RASSF4: variants seen among roughly 807,000 people sequenced by gnomAD.
RASSF4 encodes the protein ras association domain-containing protein 4.
Under a neutral mutation model 41.1 loss-of-function variants are expected in RASSF4, and 38 were observed. The ratio of observed to expected loss-of-function variants is 0.92; its 90% CI spans 0.71 to 1.21. RASSF4 has a LOEUF of 1.21. RASSF4 is among the 50% of genes most tolerant of loss of function. The pLI, the probability that RASSF4 is intolerant of heterozygous loss-of-function variation, is 0.00. For missense variants in RASSF4, 414 were observed against 419.4 expected, an observed-to-expected ratio of 0.99 and a Z score of 0.11; for synonymous variants, 179 against 163.4, an observed-to-expected ratio of 1.10 and a Z score of -0.73.
chr10:44,969,852 A>C (rs1782244645), intron 1 of RASSF4, among the ~76,000 whole-genome samples: 1 of 152,226 alleles, frequency 6.6e-6, no homozygotes, highest in African/African-American at 2.4e-5. Flanking sequence ...GTCCCTGCCA[A>C]GGGAAGGGAG....
intron 4 of RASSF4, chr10:44,983,404 G>A (rs1303738509): frequency 1.1e-5 from 2 of 182,406 alleles, no homozygotes; most frequent in South Asian, 2.3e-4. Flanking sequence ...AGACTCCTTA[G>A]GAAGGCTGCA....
At chr10:44,982,943 A>G (rs1342022190) in intron 4 of RASSF4, 2 of 670,822 alleles carry the variant, frequency 3.0e-6, no homozygotes, top group Non-Finnish European at 5.6e-6. Context: ...GACTACAGCC[A>G]GGGGGGCTCC....
Position 44,993,369 on chromosome 10 carries a change from CAGGTGTACACTG to C in RASSF4, c.*43_*54del, listed in dbSNP as rs1842192841. ...CCTCTTCCAAAGTCCCCAGCAGTGG[CAGGTGTACACTG>C]AGCCCTGGTTGCTGGCCCCGGCCGG... On this transcript the variant is annotated 3_prime_UTR_variant, in exon 11 of 11. Transcript: ENST00000340258. 2 of 1,523,136 alleles carry C rather than the reference CAGGTGTACACTG, an allele frequency of 1.3e-6. No individual in the cohort carries two copies. The highest frequency in any genetic ancestry group is 1.8e-6 in the Non-Finnish European group (2 of 1,120,036). 94.4% of individuals were successfully genotyped at this position (1,523,136 alleles called of 1,614,324 possible).
chr10:44,982,417 G>A (rs1478427434), intron 3 of RASSF4, 104 bp from the exon 4 acceptor site: 1 of 1,404,400 alleles, frequency 7.1e-7, no homozygotes, highest in African/African-American at 1.4e-5. Flanking sequence ...CACTCAGGAG[G>A]AGGGATGTGC....
intron 3 of RASSF4, among the ~76,000 whole-genome samples, chr10:44,980,216 C>T (rs896656511): frequency 3.3e-5 from 5 of 152,186 alleles, no homozygotes; most frequent in Non-Finnish European, 7.3e-5. Context: ...ACAAAGGCAT[C>T]GGGGCAGGGA....
chr10:44,971,661 G>C (rs1841173194), intron 2 of RASSF4, 112 bp from the exon 3 acceptor site: 3 of 845,350 alleles, frequency 3.5e-6, no homozygotes, highest in African/African-American at 1.7e-5. Flanking sequence ...CGGCGAGAAG[G>C]GTGCTGTCAC....
chr10:44,972,899 C>G (rs1354690901), intron 3 of RASSF4, among the ~76,000 whole-genome samples: 1 of 152,188 alleles, frequency 6.6e-6, no homozygotes, highest in Non-Finnish European at 1.5e-5. Context: ...GCCCAGGCAT[C>G]CAGGCAACTC....
Position 44,989,391 on chromosome 10 carries a change from A to C in RASSF4, c.633+16A>C. ...CAAATTTAGGGTAAGCCTGGTCAGGAGCAGCCTTGCCCCAGGATGCCAGTG... is the reference window on the plus strand; with the variant it reads ...CAAATTTAGGGTAAGCCTGGTCAGGCGCAGCCTTGCCCCAGGATGCCAGTG... On this transcript the variant is annotated intron_variant, in intron 7 of 10. Transcript: ENST00000340258. 2 of 1,568,112 alleles carry C rather than the reference A, an allele frequency of 1.3e-6. No individual in the cohort carries two copies. The highest frequency in any genetic ancestry group is 1.8e-6 in the Non-Finnish European group (2 of 1,139,348).
intron 10 of RASSF4, 88 bp from the exon 11 acceptor site, chr10:44,993,181 G>A: frequency 9.0e-7 from 1 of 1,107,790 alleles, no homozygotes; most frequent in Non-Finnish European, 1.3e-6. Flanking sequence ...GATCTCCTGA[G>A]CTGGCCATCT....
intron 7 of RASSF4, 78 bp from the exon 8 acceptor site, chr10:44,989,592 A>C: frequency 7.8e-7 from 1 of 1,281,072 alleles, no homozygotes. Flanking sequence ...CTGGGGGTGT[A>C]GTTACTGTCA....
chr10:44,982,285 G>T (rs1449106828), intron 3 of RASSF4: 10 of 568,938 alleles, frequency 1.8e-5, no homozygotes, highest in Admixed American at 7.2e-5. Flanking sequence ...CTCAGCCACT[G>T]TGTTCTGCGC....
At chr10:44,983,604 C>A (rs869156) in intron 4 of RASSF4, 104,740 of 193,048 alleles carry the variant, frequency 0.54, 30,539 homozygotes, top group Non-Finnish European at 0.64. Context: ...GCTCATCCTG[C>A]CAAGAGGCCT....
Position 44,993,463 on chromosome 10 carries a change from T to G in RASSF4, c.*134T>G. The stretch of plus-strand genomic sequence containing the variant: ...TCGAGTGCCTGTGTGTCTACCTCTC[T>G]GAAGCCTGAGCACCATGATTCCCAC... On this transcript the variant is annotated 3_prime_UTR_variant, in exon 11 of 11. Transcript: ENST00000340258. 2 of 680,384 alleles carry G rather than the reference T, an allele frequency of 2.9e-6. No homozygotes were observed. Among genetic ancestry groups the G allele is most frequent in the Non-Finnish European group, 5.1e-6 (2 of 391,796 alleles). The allele number at this position is 680,384 out of a possible 1,614,324, so 42.1% of individuals were successfully genotyped here.
intron 1 of RASSF4, among the ~76,000 whole-genome samples, chr10:44,963,791 C>A (rs1840799365): frequency 6.6e-6 from 1 of 152,228 alleles, no homozygotes; most frequent in Non-Finnish European, 1.5e-5. Context: ...CACAGATATG[C>A]TTAGAACATT....
intron 6 of RASSF4, 128 bp from the exon 7 acceptor site, chr10:44,989,146 C>G: frequency 1.6e-6 from 1 of 625,502 alleles, no homozygotes; most frequent in South Asian, 1.9e-5. Context: ...TGTGCATCAG[C>G]GTGAATGGAC....
chr10:44,982,426 G>A (rs781249840), intron 3 of RASSF4, 95 bp from the exon 4 acceptor site: 7 of 1,487,674 alleles, frequency 4.7e-6, no homozygotes, highest in Non-Finnish European at 6.5e-6. Flanking sequence ...GGAGGGATGT[G>A]CAAGGCCTGA....
chr10:44,979,278 G>A (rs529837138), intron 3 of RASSF4, among the ~76,000 whole-genome samples: 3 of 152,304 alleles, frequency 2.0e-5, no homozygotes, highest in South Asian at 2.1e-4. Flanking sequence ...GACCAAGGGC[G>A]GTCTGCGGGG....
At chr10:44,971,579 C>G (rs1257275588) in intron 2 of RASSF4, 194 bp from the exon 3 acceptor site, 5 of 688,910 alleles carry the variant, frequency 7.3e-6, no homozygotes, top group Non-Finnish European at 1.3e-5. Context: ...CCCATGCCCC[C>G]CACCAGGGCC....
chr10:44,980,279 C>A (rs1017680405), intron 3 of RASSF4, among the ~76,000 whole-genome samples: 1 of 152,208 alleles, frequency 6.6e-6, no homozygotes, highest in Non-Finnish European at 1.5e-5. Flanking sequence ...TCTCACCTTG[C>A]CCAAGCTCTT....
Sources: gnomAD v4.1 joint callset for allele counts (sites outside exome capture counted in the v4.1 genomes callset) on GRCh38, gnomAD v4.1.1 for gene constraint, MANE v1.5 for transcripts, NCBI Gene and HGNC (gene_info 2026-07-23, HGNC 2026-07-21) for gene names.